Variants in PPP2R3B observed in about 807,000 individuals in gnomAD.
The protein encoded by PPP2R3B is serine/threonine-protein phosphatase 2A regulatory subunit B'' subunit beta.
In PPP2R3B, 68 loss-of-function variants were observed where a neutral mutation model predicts 72.9. The observed-to-expected ratio is 0.93, with a 90% CI of 0.77 to 1.14. The LOEUF is 1.14. Ranked by LOEUF, PPP2R3B falls within the 50% of genes most tolerant of loss-of-function variation. PPP2R3B has a pLI of 0.00. For missense variants in PPP2R3B, 1,018 were observed against 842.0 expected (o/e 1.21, Z -2.59); for synonymous variants, 466 against 375.8 (o/e 1.24, Z -2.78).
chrX:352,559 C>CGTCTGCCCACCTTGCTCTGTGTGGATG (rs2071353326), intron 2 of PPP2R3B, among the ~76,000 whole-genome samples: 1 of 152,004 alleles, frequency 6.6e-6, no homozygotes, highest in Non-Finnish European at 1.5e-5. Context: ...CTGTGTGGAT[C>CGTCTGCCCACCTTGCTCTGTGTGGATG]GTCTGCCTGT....
At chrX:347,717 G>A in intron 2 of PPP2R3B, 24 bp from the exon 3 acceptor site, 1 of 1,499,480 alleles carries the variant, frequency 6.7e-7, no homozygotes, top group Non-Finnish European at 8.9e-7. Flanking sequence ...GGCAGGAGTG[G>A]GCAGTCAGCA....
chrX:341,715 C>CA, intron 8 of PPP2R3B, 168 bp downstream of exon 8: 1 of 792,488 alleles, frequency 1.3e-6, no homozygotes, highest in Non-Finnish European at 2.2e-6. Context: ...TGCCACCCCC[C>CA]CCCACTAGGG....
rs771681549 is a variant in PPP2R3B, at chrX:346,789, G to A, written c.718-14C>T. The A allele has an allele frequency of 3.1e-6, 5 of 1,606,684 alleles. No homozygotes were observed. Among genetic ancestry groups the A allele is most frequent in the Non-Finnish European group, 4.2e-6 (5 of 1,176,514 alleles). On this transcript the variant is annotated splice_polypyrimidine_tract_variant and intron_variant, in intron 4 of 12. Transcript: ENST00000390665. ...GTTCACCACGTCCTGCGGGTGGGAA[G>A]ACACGAGGCGCGTGGTGTAGACGCC...
chrX:383,866 A>C (rs1164220457), intron 1 of PPP2R3B, among the ~76,000 whole-genome samples: 3 of 145,458 alleles, frequency 2.1e-5, no homozygotes, highest in African/African-American at 5.1e-5. Context: ...AAAAAAAAAA[A>C]ACCAAAAAAA....
Position 338,523 on chromosome X carries a change from C to CGTCCTCCCACTCACCT in PPP2R3B, c.1577+80_1577+81insAGGTGAGTGGGAGGAC. ...CGCATCCCCCGGCTGCACACACACC[C>CGTCCTCCCACTCACCT]GTCCTCCCACTCACCCGTCCTCCCC... On this transcript the variant is annotated intron_variant, in intron 12 of 12. Transcript: ENST00000390665. 2 of 410,092 alleles carry CGTCCTCCCACTCACCT rather than the reference C, an allele frequency of 4.9e-6. 1 individual carries two copies. The highest frequency in any genetic ancestry group is 4.9e-5 in the African/African-American group (2 of 40,914). The allele number at this position is 410,092 out of a possible 1,614,324, so 25.4% of individuals were successfully genotyped here. A position where few individuals can be genotyped will look rare whatever the true frequency, so the allele number is the denominator to read the frequency against.
chrX:347,388 C>T (rs762889070), intron 3 of PPP2R3B, 52 bp from the exon 4 acceptor site: 3 of 1,548,464 alleles, frequency 1.9e-6, no homozygotes, highest in Non-Finnish European at 2.7e-6. Context: ...TGGCTTTCGA[C>T]CCCGCAGACG....
chrX:379,856 C>CA (rs930015672), intron 1 of PPP2R3B, among the ~76,000 whole-genome samples: 8 of 152,228 alleles, frequency 5.3e-5, no homozygotes, highest in Non-Finnish European at 1.2e-4. Flanking sequence ...GGCTTGGACT[C>CA]ACAGTATCTG....
chrX:378,401 C>T (rs969915078), intron 1 of PPP2R3B, among the ~76,000 whole-genome samples: 3 of 152,212 alleles, frequency 2.0e-5, no homozygotes, highest in Non-Finnish European at 2.9e-5. Flanking sequence ...CATGAGCAAA[C>T]ATAATGGCTT....
In PPP2R3B at chrX:376,428, GACAGAGCCCCC is replaced by G. The variant is rs779842715; in HGVS notation, c.324+9929_324+9939del. On this transcript the variant is annotated intron_variant, in intron 1 of 12. Coordinates refer to ENST00000390665, the MANE Select transcript of PPP2R3B (RefSeq NM_013239.5). The stretch of plus-strand genomic sequence containing the variant: ...GGGAGGGACAGGGCTGTCCACACTC[GACAGAGCCCCC>G]ATGGGGCCATCCACTACCGTGTACA... Among the ~76,000 whole-genome samples, 278 of 146,590 alleles carry G rather than the reference GACAGAGCCCCC, an allele frequency of 1.9e-3. 9 individuals carry two copies. The highest frequency in any genetic ancestry group is 7.2e-3 in the African/African-American group (269 of 37,364).
intron 1 of PPP2R3B, among the ~76,000 whole-genome samples, chrX:364,273 G>A (rs1451553229): frequency 1.3e-5 from 2 of 152,172 alleles, no homozygotes; most frequent in Non-Finnish European, 2.9e-5. Context: ...ACCTGGAGCT[G>A]CTGGTACGAG....
At chrX:339,265 C>A in intron 10 of PPP2R3B, among the ~76,000 whole-genome samples, 1 of 69,852 alleles carries the variant, frequency 1.4e-5, no homozygotes, top group Admixed American at 1.2e-4. Flanking sequence ...AGGAGGCGCC[C>A]CATGGCCGGG....
chrX:382,655 A>C (rs1245929968), intron 1 of PPP2R3B, among the ~76,000 whole-genome samples: 1 of 152,158 alleles, frequency 6.6e-6, no homozygotes, highest in Non-Finnish European at 1.5e-5. Flanking sequence ...CACTTGTTAG[A>C]GGCTTCTTGC....
chrX:386,043 T>C (rs1463348059), intron 1 of PPP2R3B, among the ~76,000 whole-genome samples: 1 of 152,134 alleles, frequency 6.6e-6, no homozygotes, highest in African/African-American at 2.4e-5. Flanking sequence ...GATCGCGCCA[T>C]CGTACTCCAG....
At chrX:360,084 C>A (rs2071510601) in intron 2 of PPP2R3B, among the ~76,000 whole-genome samples, 1 of 152,210 alleles carries the variant, frequency 6.6e-6, no homozygotes, top group Non-Finnish European at 1.5e-5. Flanking sequence ...CTACCAAGCA[C>A]TGTCTTCTCT....
rs147939923 is a variant in PPP2R3B, at chrX:354,094, C to G, written c.511-6401G>C. Among the ~76,000 whole-genome samples, 207 of 122,466 alleles carry G rather than the reference C, an allele frequency of 1.7e-3. 3 individuals are homozygous for G. The highest frequency in any genetic ancestry group is 0.011 in the East Asian group (35 of 3,240). The allele number at this position is 122,466 out of a possible 152,430, so 80.3% of individuals were successfully genotyped here. The stretch of plus-strand genomic sequence containing the variant: ...CCAAAGACCGGGGCTCACCCAGGGA[C>G]CAGGGGCTCGCCCAAACACAGGGGG... On this transcript the variant is annotated intron_variant, in intron 2 of 12. Coordinates refer to ENST00000390665, the MANE Select transcript of PPP2R3B (RefSeq NM_013239.5).
rs1226105580 is a variant in PPP2R3B, at chrX:338,520, ACCCGTCCT to A, written c.1577+76_1577+83del. The A allele has an allele frequency of 1.1e-4, 42 of 391,126 alleles. 1 individual carries two copies. The highest frequency in any genetic ancestry group is 5.1e-4 in the South Asian group (9 of 17,636). 24.2% of individuals were successfully genotyped at this position (391,126 alleles called of 1,614,324 possible). On this transcript the variant is annotated intron_variant, in intron 12 of 12. Transcript: ENST00000390665. Reference sequence around the variant, plus strand: ...CCCCGCATCCCCCGGCTGCACACACACCCGTCCTCCCACTCACCCGTCCTCCCCACTCA... The same window carrying A: ...CCCCGCATCCCCCGGCTGCACACACACCCACTCACCCGTCCTCCCCACTCA...
intron 1 of PPP2R3B, among the ~76,000 whole-genome samples, chrX:364,406 C>G (rs2071640537): frequency 1.3e-5 from 2 of 151,268 alleles, no homozygotes; most frequent in South Asian, 2.1e-4. Flanking sequence ...GGGCTCGTGC[C>G]TGCAATCCTG....
intron 1 of PPP2R3B, among the ~76,000 whole-genome samples, chrX:372,588 G>A (rs1462839287): frequency 6.6e-6 from 1 of 151,906 alleles, no homozygotes; most frequent in Non-Finnish European, 1.5e-5. Context: ...CATGGTACTC[G>A]TAAAACTAAC....
At chrX:341,586 G>C (rs1258070355) in intron 8 of PPP2R3B, 190 bp from the exon 9 acceptor site, 2 of 677,140 alleles carry the variant, frequency 3.0e-6, no homozygotes, top group African/African-American at 1.8e-5. Flanking sequence ...GTTTTCCCCA[G>C]ATCCAGGCAG....
Sources: gnomAD v4.1 joint callset for allele counts (sites outside exome capture counted in the v4.1 genomes callset) on GRCh38, gnomAD v4.1.1 for gene constraint, MANE v1.5 for transcripts, NCBI Gene and HGNC (gene_info 2026-07-23, HGNC 2026-07-21) for gene names.